The following FOXM1 variants were observed in gnomAD, a reference collection of about 807,000 sequenced individuals.
FOXM1 encodes forkhead box protein M1.
A neutral mutation model predicts 63.6 loss-of-function variants in FOXM1; 25 were observed. That is an observed-to-expected ratio of 0.39 (90% CI 0.29 to 0.55). FOXM1 has a LOEUF of 0.55. FOXM1 is among the 20% of genes least tolerant of loss of function. The pLI, the probability that FOXM1 is intolerant of heterozygous loss-of-function variation, is 0.60. For synonymous variants in FOXM1, 387 were observed against 376.9 expected (o/e 1.03, Z -0.31); for missense variants, 879 against 958.7 (o/e 0.92, Z 1.10).
intron 8 of FOXM1, among the ~76,000 whole-genome samples, chr12:2,862,710 T>A (rs1276276845): frequency 6.7e-6 from 1 of 150,324 alleles, no homozygotes; most frequent in African/African-American, 2.4e-5. Flanking sequence ...AAAAAAAAAT[T>A]TTTTTTTTTT....
rs942113269 is a variant in FOXM1, at chr12:2,868,717, T to A, written c.692A>T (p.Asn231Ile). The part of the protein sequence containing the change: ...EPSRPSASWQ[N>I]SVSERPPYSY... Reference sequence around the variant, plus strand: ...GTAGGGTGGCCGCTCAGACACAGAGTTCTGCCAGGACGCTGATGGTCTCGA... The same window carrying A: ...GTAGGGTGGCCGCTCAGACACAGAGATCTGCCAGGACGCTGATGGTCTCGA... Residue 231 changes from asparagine (N) to isoleucine (I), a missense_variant, in exon 4 of 9, where the codon AAC (asparagine) becomes ATC (isoleucine). By Grantham distance (149) the Asn-to-Ile change is moderately radical. Around this residue, in one of 4 missense-constraint regions of FOXM1, gnomAD observed 255 missense variants for 292.4 expected, o/e 0.87. Coordinates refer to ENST00000359843, the MANE Select transcript of FOXM1 (RefSeq NM_021953.4). 2.5e-5 allele frequency: 40 copies of A among 1,613,626 alleles called. No individual in the cohort carries two copies. Among genetic ancestry groups the A allele is most frequent in the Non-Finnish European group, 3.1e-5 (37 of 1,179,894 alleles).
At chr12:2,861,647 A>G (rs1029389256) in intron 8 of FOXM1, among the ~76,000 whole-genome samples, 4 of 152,166 alleles carry the variant, frequency 2.6e-5, no homozygotes, top group Admixed American at 6.6e-5. Flanking sequence ...CAACAATCTC[A>G]CATCTGGGAC....
chr12:2,863,320 G>A (rs554726975), intron 8 of FOXM1, among the ~76,000 whole-genome samples: 1 of 152,294 alleles, frequency 6.6e-6, no homozygotes, highest in East Asian at 1.9e-4. Context: ...GGTACGAACT[G>A]CATTTCCCGC....
intron 8 of FOXM1, among the ~76,000 whole-genome samples, chr12:2,862,510 G>A (rs1271539967): frequency 6.6e-6 from 1 of 152,074 alleles, no homozygotes; most frequent in East Asian, 1.9e-4. Context: ...AATTTTGTGT[G>A]TAATATGTTT....
chr12:2,859,876 C>T (rs1474401386), intron 8 of FOXM1: 1 of 547,476 alleles, frequency 1.8e-6, no homozygotes, highest in Admixed American at 3.3e-5. Flanking sequence ...TAGCATTCAT[C>T]CGAGAGGAAA....
In FOXM1 at chr12:2,858,871, C is replaced by T. The variant is rs753788611; in HGVS notation, c.2059G>A (p.Val687Ile). The T allele has an allele frequency of 1.2e-5, 20 of 1,613,846 alleles. No homozygotes were observed. The highest frequency in any genetic ancestry group is 1.6e-4 in the Middle Eastern group (1 of 6,084). The change falls in exon 9 of 9, where the codon GTC becomes ATC. Residue 687 changes from valine to isoleucine, a missense_variant. Transcript: ENST00000359843. The stretch of plus-strand genomic sequence containing the variant: ...GAGGGAGAAGAGTTGCCAAAGGGGA[C>T]GGAGATGAGGTCTAAGGGTTCTGAA... ...LSSEPLDLISVPFGNSSPSDI... is the reference protein window; with the variant it reads ...LSSEPLDLISIPFGNSSPSDI...
chr12:2,867,944 C>T (rs1446844454), intron 4 of FOXM1, among the ~76,000 whole-genome samples: 2 of 145,830 alleles, frequency 1.4e-5, no homozygotes, highest in Non-Finnish European at 3.0e-5. Flanking sequence ...TCTGCCATTG[C>T]ACTCCAGCCT....
At chr12:2,867,299 A>C (rs988919461) in intron 4 of FOXM1, among the ~76,000 whole-genome samples, 3 of 152,034 alleles carry the variant, frequency 2.0e-5, no homozygotes, top group African/African-American at 7.2e-5. Context: ...AGCCTGGGCA[A>C]CTGTCTCTAC....
chr12:2,866,702 C>T (rs916805601), intron 4 of FOXM1, among the ~76,000 whole-genome samples, 181 bp from the exon 5 acceptor site: 2 of 152,250 alleles, frequency 1.3e-5, no homozygotes, highest in Non-Finnish European at 2.9e-5. Context: ...CCGTCACCTT[C>T]AGCCATAAAC....
chr12:2,875,342 A>G lies in FOXM1; in HGVS notation c.-47-817T>C, dbSNP rs146685248. The stretch of plus-strand genomic sequence containing the variant: ...TTGTAAATAGGACCAGTGCACACAG[A>G]ATCAGGGAAGAAAGGCAGATTGTAC... On this transcript the variant is annotated intron_variant, in intron 1 of 8. Transcript: ENST00000359843. 4.2e-3 allele frequency among the ~76,000 whole-genome samples: 647 copies of G among 152,272 alleles called. 3 individuals carry two copies. Among genetic ancestry groups the G allele is most frequent in the African/African-American group, 0.015 (614 of 41,550 alleles).
intron 5 of FOXM1, among the ~76,000 whole-genome samples, chr12:2,865,643 CTTTTTTTTTTTTTTT>C (rs58125017): frequency 8.8e-5 from 6 of 67,984 alleles, no homozygotes; most frequent in Non-Finnish European, 5.7e-5. Context: ...CTAAGGCAGG[CTTTTTTTTTTTTTTT>C]TTTTTTTTTT....
intron 8 of FOXM1, among the ~76,000 whole-genome samples, chr12:2,861,596 A>G (rs2098113462): frequency 6.6e-6 from 1 of 152,192 alleles, no homozygotes; most frequent in Non-Finnish European, 1.5e-5. Flanking sequence ...TTTGGAAAGC[A>G]ATCTAGCAAT....
intron 2 of FOXM1, among the ~76,000 whole-genome samples, 198 bp downstream of exon 2, chr12:2,873,779 A>G (rs1360877964): frequency 6.6e-6 from 1 of 151,912 alleles, no homozygotes; most frequent in East Asian, 1.9e-4. Context: ...GGGTTTCACC[A>G]TGTTGGCCAG....
chr12:2,864,543 C>T lies in FOXM1; in HGVS notation c.1091-48G>A, dbSNP rs756812317. On this transcript the variant is annotated intron_variant, in intron 7 of 8. Coordinates refer to ENST00000359843, the MANE Select transcript of FOXM1 (RefSeq NM_021953.4). This position sits in a 1 kb window ranked among gnomAD's most constrained non-coding sequence, Gnocchi z 5.1. ...AGGAGCAGGGGGACTGGAGTACACCCCTTCTCAGCCCCAGGAGCTTTGCTC... is the reference window on the plus strand; with the variant it reads ...AGGAGCAGGGGGACTGGAGTACACCTCTTCTCAGCCCCAGGAGCTTTGCTC... 1 of 1,590,848 alleles carries T rather than the reference C, an allele frequency of 6.3e-7. No individual in the cohort carries two copies. The highest frequency in any genetic ancestry group is 8.6e-7 in the Non-Finnish European group (1 of 1,162,142).
At position 2,868,745 on chromosome 12, in the gene FOXM1, G is replaced by A; in HGVS notation, c.664C>T (p.Pro222Ser). 6.2e-7 allele frequency: 1 copy of A among 1,612,234 alleles called. No individual in the cohort carries two copies. Among genetic ancestry groups the A allele is most frequent in the Non-Finnish European group, 8.5e-7 (1 of 1,179,150 alleles). ...LEQRQVKVEEPSRPSASWQNS... is the reference protein window; with the variant it reads ...LEQRQVKVEESSRPSASWQNS... ...TGCCAGGACGCTGATGGTCTCGAAG[G>A]CTCCTCAACCTGAGGGTTATGACAC... The change falls in exon 4 of 9, where the codon CCT becomes TCT. Residue 222 changes from proline (P) to serine (S), a missense_variant. Pro to Ser is a moderately conservative substitution (Grantham distance 74). Coordinates refer to ENST00000359843, the MANE Select transcript of FOXM1 (RefSeq NM_021953.4).
At chr12:2,873,951 A>C in intron 2 of FOXM1, 26 bp downstream of exon 2, 4 of 1,591,636 alleles carry the variant, frequency 2.5e-6, no homozygotes, top group Non-Finnish European at 3.4e-6. Context: ...GGGCTCCCTC[A>C]CCCCTTTCCC....
At position 2,863,148 on chromosome 12, in the gene FOXM1, G is replaced by T. The variant is rs139310480; in HGVS notation, c.1266+1172C>A. Among the ~76,000 whole-genome samples, 40 of 152,210 alleles carry T rather than the reference G, an allele frequency of 2.6e-4. 1 individual carries two copies. The highest frequency in any genetic ancestry group is 9.1e-4 in the African/African-American group (38 of 41,544). On this transcript the variant is annotated intron_variant, in intron 8 of 8. Transcript: ENST00000359843. The stretch of plus-strand genomic sequence containing the variant: ...CATTTGGATTGCCGCGCCTGTGGTG[G>T]GTGCTACTGGCGTCTAGTGGGGAAA...
chr12:2,873,775 C>T (rs2098137347), intron 2 of FOXM1, among the ~76,000 whole-genome samples: 1 of 151,946 alleles, frequency 6.6e-6, no homozygotes, highest in South Asian at 2.1e-4. Flanking sequence ...AGACGGGTTT[C>T]ACCATGTTGG....
intron 2 of FOXM1, among the ~76,000 whole-genome samples, chr12:2,873,019 A>T (rs952857095): frequency 6.6e-6 from 1 of 152,108 alleles, no homozygotes; most frequent in Non-Finnish European, 1.5e-5. Context: ...GCGCCACTGC[A>T]CTCTAGCCTG....
Sources: allele counts gnomAD v4.1 joint callset (sites outside exome capture counted in the v4.1 genomes callset), GRCh38; gene constraint gnomAD v4.1.1; regional missense constraint gnomAD v4.1.1; non-coding constraint Gnocchi (gnomAD v3.1); transcripts MANE v1.5; gene names NCBI Gene and HGNC (gene_info 2026-07-23, HGNC 2026-07-21).